The following FOXO3B variants were observed in gnomAD, a reference collection of about 807,000 sequenced individuals.
FOXO3B encodes forkhead box O3B, also known as forkhead box protein O3B.
Under a neutral mutation model 21.9 loss-of-function variants are expected in FOXO3B, and 15 were observed. The observed-to-expected ratio is 0.68, with a 90% CI of 0.46 to 1.05. FOXO3B has a LOEUF of 1.05. FOXO3B is among the 50% of genes least tolerant of loss of function. The pLI is 0.00. For synonymous variants in FOXO3B, 135 were observed against 213.6 expected, an observed-to-expected ratio of 0.63 and a Z score of 3.21; for missense variants, 293 against 435.5, an observed-to-expected ratio of 0.67 and a Z score of 2.91.
rs1048419231 is a variant in FOXO3B, at chr17:18,672,484, C to G, written c.698G>C (p.Arg233Thr). 116 of 1,553,840 alleles carry G rather than the reference C, an allele frequency of 7.5e-5. No individual in the cohort carries two copies. The highest frequency in any genetic ancestry group is 1.0e-4 in the Non-Finnish European group (115 of 1,149,486). ...GGCGTTCCGCCGCGACGAACATTTC[C>G]TCGGCTGCCCGGAGCCCCCAGCCGC... Reference protein sequence around the residue: ...PGAAGGSGQPRKCSSRRNAWG... With the variant: ...PGAAGGSGQPTKCSSRRNAWG... Residue 233 changes from arginine (R) to threonine (T), a missense_variant, in exon 4 of 4, where the codon AGG (arginine) becomes ACG (threonine). By Grantham distance (71) the Arg-to-Thr change is moderately conservative. Coordinates refer to ENST00000395675, the MANE Select transcript of FOXO3B (RefSeq NM_001368135.1). This position sits in a 1 kb window ranked among gnomAD's most constrained non-coding sequence, Gnocchi z 4.2.
At chr17:18,677,595 C>T (rs1451024649) in intron 3 of FOXO3B, 47 of 1,603,456 alleles carry the variant, frequency 2.9e-5, no homozygotes, top group Non-Finnish European at 3.9e-5. Context: ...CAAAGCCGGG[C>T]GGGCCCTGGC....
In FOXO3B at chr17:18,672,381, C is replaced by G. The variant is rs985905201; in HGVS notation, c.801G>C (p.Gln267His). Residue 267 changes from glutamine to histidine, a missense_variant, in exon 4 of 4, where the codon CAG becomes CAC. Coordinates refer to ENST00000395675, the MANE Select transcript of FOXO3B (RefSeq NM_001368135.1). The surrounding 1 kb of genome is among the most constrained non-coding windows in gnomAD (Gnocchi z 4.2). ...SSPDRRLTLSQIYEWMVSCVP... is the reference protein window; with the variant it reads ...SSPDRRLTLSHIYEWMVSCVP... Reference sequence around the variant, plus strand: ...CGCAACTCACCATCCACTCGTAGATCTGGGACAGAGTGAGCCGTCTGTCCG... The same window carrying G: ...CGCAACTCACCATCCACTCGTAGATGTGGGACAGAGTGAGCCGTCTGTCCG... 6.2e-7 allele frequency: 1 copy of G among 1,613,408 alleles called. No individual in the cohort carries two copies. The highest frequency in any genetic ancestry group is 1.7e-5 in the Admixed American group (1 of 59,930).
intron 3 of FOXO3B, among the ~76,000 whole-genome samples, chr17:18,673,682 T>C (rs1256067945): frequency 6.6e-6 from 1 of 151,802 alleles, no homozygotes; most frequent in Admixed American, 6.6e-5. Context: ...ATTTTGTCTG[T>C]TACCGTGAAG....
At chr17:18,674,894 C>A (rs1024262232) in intron 3 of FOXO3B, among the ~76,000 whole-genome samples, 14 of 152,166 alleles carry the variant, frequency 9.2e-5, no homozygotes, top group African/African-American at 3.4e-4. Flanking sequence ...TACTGTCTAG[C>A]CATTTACATA....
chr17:18,672,784 G>A lies in FOXO3B; in HGVS notation c.398C>T (p.Ser133Leu). The A allele has an allele frequency of 1.9e-6, 3 of 1,560,976 alleles. No individual in the cohort carries two copies. The highest frequency in any genetic ancestry group is 2.3e-5 in the South Asian group (2 of 85,806). Residue 133 changes from serine (S) to leucine (L), a missense_variant, in exon 4 of 4, where the codon TCG (serine) becomes TTG (leucine). Physicochemically the swap from Ser to Leu is moderately radical, Grantham distance 145 (BLOSUM62 -2). Transcript: ENST00000395675. The surrounding 1 kb of genome is among the most constrained non-coding windows in gnomAD (Gnocchi z 4.2). ...CATGGAGTCGGCGGCCGTCTCCCCC[G>A]AGGGCTTGGCAGGGCTCGCTTGGAG... ...PELQASPAKP[S>L]GETAADSMIP...
chr17:18,674,675 G>A (rs534383953), intron 3 of FOXO3B, among the ~76,000 whole-genome samples: 2 of 151,186 alleles, frequency 1.3e-5, no homozygotes, highest in Admixed American at 6.6e-5. Context: ...GCAAATTTAG[G>A]GTTTCTCTCT....
intron 3 of FOXO3B, among the ~76,000 whole-genome samples, chr17:18,674,712 G>A (rs989189991): frequency 6.0e-5 from 9 of 150,462 alleles, no homozygotes; most frequent in South Asian, 4.2e-4. Context: ...TGTACTGAAC[G>A]ACAACCACCA....
intron 3 of FOXO3B, 25 bp downstream of exon 3, chr17:18,680,716 T>C: frequency 3.1e-6 from 5 of 1,612,896 alleles, no homozygotes; most frequent in Non-Finnish European, 4.2e-6. Flanking sequence ...AAGGTGTAAT[T>C]CCAATAATCA....
At position 18,674,597 on chromosome 17, in the gene FOXO3B, G is replaced by A. The variant is rs1208372591; in HGVS notation, c.127-1542C>T. Among the ~76,000 whole-genome samples, 7 of 135,162 alleles carry A rather than the reference G, an allele frequency of 5.2e-5. No homozygotes were observed. The Admixed American group carries it at 5.3e-4, about 10-fold the overall frequency. 88.7% of individuals were successfully genotyped at this position (135,162 alleles called of 152,430 possible). A position where few individuals can be genotyped will look rare whatever the true frequency, so the allele number is the denominator to read the frequency against. On this transcript the variant is annotated intron_variant, in intron 3 of 3. Coordinates refer to ENST00000395675, the MANE Select transcript of FOXO3B (RefSeq NM_001368135.1). ...GCCAAGATCGCACCACTGCACTCCA[G>A]CCTGGGAAACAAAGCGAGACTCCAT...
At chr17:18,677,911 C>CAAAAAAAAAA (rs57669387) in intron 3 of FOXO3B, among the ~76,000 whole-genome samples, 38 of 92,648 alleles carry the variant, frequency 4.1e-4, no homozygotes, top group East Asian at 1.4e-3. Flanking sequence ...GTTGGAAAAG[C>CAAAAAAAAAA]AAAAAAAAAA....
Position 18,672,438 on chromosome 17 carries a change from C to G in FOXO3B, c.744G>C (p.Ala248=). The change falls in exon 4 of 4, where the codon GCG becomes GCC. Residue 248 remains alanine, a synonymous_variant. Coordinates refer to ENST00000395675, the MANE Select transcript of FOXO3B (RefSeq NM_001368135.1). The surrounding 1 kb of genome is among the most constrained non-coding windows in gnomAD (Gnocchi z 4.2). ...RRNAWGNLSY[A]DLITRAIESS... ...TCTCGATGGCGCGGGTGATCAGGTC[C>G]GCGTAGGACAGGTTTCCCCAGGCGT... The G allele has an allele frequency of 1.9e-6, 3 of 1,609,194 alleles. No homozygotes were observed. The highest frequency in any genetic ancestry group is 2.5e-6 in the Non-Finnish European group (3 of 1,177,726).
rs2032322078 is a variant in FOXO3B at position 18,669,396 on chromosome 17, T to A, written c.*2913A>T. 2 of 149,762 alleles carry A rather than the reference T, an allele frequency of 1.3e-5. No individual in the cohort carries two copies. Among genetic ancestry groups the A allele is most frequent in the South Asian group, 4.2e-4 (2 of 4,786 alleles). The allele number at this position is 149,762 out of a possible 1,614,324, so 9.3% of individuals were successfully genotyped here. A position where few individuals can be genotyped will look rare whatever the true frequency, so the allele number is the denominator to read the frequency against. ...GTACATAATAAAATATATTTATACATTTATACGCCTAATGCTTTTTATGCA... is the reference window on the plus strand; with the variant it reads ...GTACATAATAAAATATATTTATACAATTATACGCCTAATGCTTTTTATGCA... On this transcript the variant is annotated 3_prime_UTR_variant, in exon 4 of 4. Transcript: ENST00000395675.
rs2032348628 is a variant in FOXO3B, at chr17:18,670,731, C to T, written c.*1578G>A. Among the ~76,000 whole-genome samples the T allele has an allele frequency of 1.3e-5, 2 of 152,136 alleles. No individual in the cohort carries two copies. Among genetic ancestry groups the T allele is most frequent in the Admixed American group, 1.3e-4 (2 of 15,276 alleles). ...TAAGTGCTTCACCCAGGGTAAGGGGCCATTAACAGTCTCTGCTGGGTTAGG... is the reference window on the plus strand; with the variant it reads ...TAAGTGCTTCACCCAGGGTAAGGGGTCATTAACAGTCTCTGCTGGGTTAGG... On this transcript the variant is annotated 3_prime_UTR_variant, in exon 4 of 4. Coordinates refer to ENST00000395675, the MANE Select transcript of FOXO3B (RefSeq NM_001368135.1).
intron 3 of FOXO3B, among the ~76,000 whole-genome samples, chr17:18,674,946 T>A (rs1597496090): frequency 1.3e-5 from 2 of 152,206 alleles, no homozygotes; most frequent in Non-Finnish European, 2.9e-5. Context: ...TCCTTTCAGT[T>A]GAGGCCTGTA....
chr17:18,667,725 G>A lies in FOXO3B; in HGVS notation c.*4584C>T, dbSNP rs1033341240. On this transcript the variant is annotated 3_prime_UTR_variant, in exon 4 of 4. Transcript: ENST00000395675. Reference sequence around the variant, plus strand: ...TGTGATAAAGCTCTTTCCTAGCTTTGGTAACAGGTATCAGGTTCTGGAGCC... The same window carrying A: ...TGTGATAAAGCTCTTTCCTAGCTTTAGTAACAGGTATCAGGTTCTGGAGCC... 3 of 151,626 alleles carry A rather than the reference G, an allele frequency of 2.0e-5. No individual in the cohort carries two copies. The highest frequency in any genetic ancestry group is 6.6e-5 in the Admixed American group (1 of 15,248). 9.4% of individuals were successfully genotyped at this position (151,626 alleles called of 1,614,324 possible).
intron 3 of FOXO3B, among the ~76,000 whole-genome samples, chr17:18,676,211 A>G (rs2032478523): frequency 1.3e-5 from 2 of 152,200 alleles, no homozygotes; most frequent in Non-Finnish European, 2.9e-5. Flanking sequence ...TTAAAACATC[A>G]TTTTGCATCC....
At chr17:18,677,219 G>A (rs1597496787) in intron 3 of FOXO3B, 1 of 1,502,410 alleles carries the variant, frequency 6.7e-7, no homozygotes, top group Non-Finnish European at 9.1e-7. Context: ...CAGTGAGTAT[G>A]TATCTATCCT....
At chr17:18,681,180 A>G in intron 2 of FOXO3B, 1 of 391,364 alleles carries the variant, frequency 2.6e-6, no homozygotes, top group Non-Finnish European at 4.7e-6. Flanking sequence ...CAAAGTAATA[A>G]GCATTAGTTG....
rs371517016 is a variant in FOXO3B, at chr17:18,674,893, G to C, written c.127-1838C>G. Among the ~76,000 whole-genome samples, 255 of 152,242 alleles carry C rather than the reference G, an allele frequency of 1.7e-3. 3 individuals are homozygous for C. The South Asian group carries it at 0.028, about 17-fold the overall frequency. ...ACAAAGCGTAATTATTTACTGTCTA[G>C]CCATTTACATAAAAAGCTTGCCAGC... is the stretch of plus-strand genomic sequence containing the variant. On this transcript the variant is annotated intron_variant, in intron 3 of 3. Transcript: ENST00000395675.
Sources: gnomAD v4.1 joint callset for allele counts (sites outside exome capture counted in the v4.1 genomes callset) on GRCh38, gnomAD v4.1.1 for gene constraint, Gnocchi (gnomAD v3.1) non-coding constraint, MANE v1.5 for transcripts, NCBI Gene and HGNC (gene_info 2026-07-23, HGNC 2026-07-21) for gene names.